Variants in TRMT11 observed in about 807,000 individuals in gnomAD.
The protein encoded by TRMT11 is tRNA methyltransferase 11, also known as tRNA (guanine(10)-N(2))-methyltransferase TRMT11.
In TRMT11, 53 loss-of-function variants were observed where a neutral mutation model predicts 62.8. The ratio of observed to expected loss-of-function variants is 0.84; its 90% CI spans 0.68 to 1.06. TRMT11 has a LOEUF of 1.06. Ranked by LOEUF, TRMT11 falls within the 50% of genes least tolerant of loss-of-function variation. The probability of loss-of-function intolerance (pLI) is 0.00; values close to 1 mark genes in which losing one functional copy is unlikely to be tolerated. For synonymous variants in TRMT11, 188 were observed against 190.3 expected (o/e 0.99, Z 0.10); for missense variants, 556 against 553.4 (o/e 1.00, Z -0.05).
At chr6:126,057,259 A>G (rs906413512) in intron 17 of TRMT11, among the ~76,000 whole-genome samples, 5 of 152,108 alleles carry the variant, frequency 3.3e-5, no homozygotes, top group African/African-American at 1.2e-4. Context: ...AAGTAATCTG[A>G]TGGTGTCTAT....
At chr6:126,051,599 T>C (rs1353500989) in intron 16 of TRMT11, among the ~76,000 whole-genome samples, 1 of 151,950 alleles carries the variant, frequency 6.6e-6, no homozygotes, top group Non-Finnish European at 1.5e-5. Flanking sequence ...GTCATCCAGG[T>C]TAGAGAACAG....
At chr6:125,986,666 CTGGAG>C (rs1248887990) in intron 1 of TRMT11, 44 bp downstream of exon 1, 14 of 1,539,344 alleles carry the variant, frequency 9.1e-6, no homozygotes, top group Non-Finnish European at 1.1e-5. Context: ...GAAGAGGACG[CTGGAG>C]TGGAGTGGAG....
At chr6:126,026,850 T>C (rs1335034869) in intron 12 of TRMT11, among the ~76,000 whole-genome samples, 2 of 146,746 alleles carry the variant, frequency 1.4e-5, no homozygotes, top group African/African-American at 5.3e-5. Context: ...TTGCCCAGGA[T>C]GGAGTGCAGT....
At chr6:126,188,826 T>C (rs1385464245) in intron 1 of TRMT11, among the ~76,000 whole-genome samples, 1 of 152,154 alleles carries the variant, frequency 6.6e-6, no homozygotes, top group Non-Finnish European at 1.5e-5. Context: ...TGACAACTGA[T>C]TGATCTTCTT....
chr6:126,113,630 G>C (rs1353399630), intron 18 of TRMT11, among the ~76,000 whole-genome samples: 1 of 152,076 alleles, frequency 6.6e-6, no homozygotes, highest in Non-Finnish European at 1.5e-5. Context: ...GTGGGATACA[G>C]TGATGATCTA....
intron 17 of TRMT11, among the ~76,000 whole-genome samples, chr6:126,071,223 G>C (rs1041994451): frequency 6.6e-6 from 1 of 152,016 alleles, no homozygotes; most frequent in Non-Finnish European, 1.5e-5. Flanking sequence ...GTTTCCTTGG[G>C]GGGGTGGGGG....
At chr6:126,226,944 G>A in the TRMT11 span, among the ~76,000 whole-genome samples, 1 of 152,084 alleles carries the variant, frequency 6.6e-6, no homozygotes, top group Non-Finnish European at 1.5e-5. Flanking sequence ...TTCTATAAAG[G>A]GGAGTTTCCC....
rs372118796 is a variant in TRMT11 at position 126,065,903 on chromosome 6, A to G, written c.*1437+12713A>G. Among the ~76,000 whole-genome samples, 8 of 152,308 alleles carry G rather than the reference A, an allele frequency of 5.3e-5. No homozygotes were observed. In the East Asian group the frequency reaches 9.7e-4, roughly 18 times the overall value. ...TAATAGTACCTATCGTGAATTTATCATGATCATAAAAGGACCGTTGCTGAG... is the reference window on the plus strand; with the variant it reads ...TAATAGTACCTATCGTGAATTTATCGTGATCATAAAAGGACCGTTGCTGAG... On this transcript the variant is annotated intron_variant and NMD_transcript_variant, in intron 17 of 22. Coordinates refer to the TRMT11 transcript ENST00000648977.
At chr6:126,176,499 A>G (rs1387689557), upstream of TRMT11, among the ~76,000 whole-genome samples, 3 of 152,188 alleles carry the variant, frequency 2.0e-5, no homozygotes, top group Non-Finnish European at 4.4e-5. Flanking sequence ...AAAGGACCTC[A>G]GTTCCTTCTT....
At chr6:126,254,769 A>T in the TRMT11 span, among the ~76,000 whole-genome samples, 3 of 152,212 alleles carry the variant, frequency 2.0e-5, no homozygotes, top group African/African-American at 7.2e-5. Context: ...AAATGCCATT[A>T]GCTCATCTTG....
intron 17 of TRMT11, among the ~76,000 whole-genome samples, chr6:126,060,247 T>C (rs1008030893): frequency 6.6e-6 from 1 of 152,246 alleles, no homozygotes; most frequent in African/African-American, 2.4e-5. Flanking sequence ...ACTTTTTCAA[T>C]TCAGAATTTT....
chr6:126,116,630 C>T (rs1012689516), intron 21 of TRMT11, among the ~76,000 whole-genome samples: 4 of 152,052 alleles, frequency 2.6e-5, no homozygotes, highest in African/African-American at 4.8e-5. Flanking sequence ...CATAAATCCA[C>T]GTGGATATGT....
At chr6:125,988,204 A>T (rs1304578766) in intron 1 of TRMT11, among the ~76,000 whole-genome samples, 1 of 152,234 alleles carries the variant, frequency 6.6e-6, no homozygotes, top group Non-Finnish European at 1.5e-5. Context: ...TGTCATTGAT[A>T]GTCTCAATTA....
At chr6:126,247,470 T>TATC in the TRMT11 span, among the ~76,000 whole-genome samples, 6 of 146,304 alleles carry the variant, frequency 4.1e-5, no homozygotes, top group Non-Finnish European at 7.4e-5. Context: ...TCTATCTATC[T>TATC]ATCTATCTAT....
At chr6:126,050,243 T>C (rs1001547089) in intron 16 of TRMT11, among the ~76,000 whole-genome samples, 1 of 149,784 alleles carries the variant, frequency 6.7e-6, no homozygotes, top group Non-Finnish European at 1.5e-5. Flanking sequence ...GGCAGGAGAA[T>C]CGCTTGAATC....
intron 12 of TRMT11, among the ~76,000 whole-genome samples, chr6:126,029,342 T>C (rs751213009): frequency 6.6e-6 from 1 of 152,156 alleles, no homozygotes; most frequent in Non-Finnish European, 1.5e-5. Context: ...TATAGAGTAA[T>C]GCAGCACTCC....
intron 21 of TRMT11, among the ~76,000 whole-genome samples, chr6:126,137,739 T>C (rs1777868689): frequency 6.6e-6 from 1 of 151,894 alleles, no homozygotes; most frequent in South Asian, 2.1e-4. Flanking sequence ...TACAGATGAA[T>C]AGATAAAGCA....
chr6:126,055,626 G>C (rs1295448110), intron 17 of TRMT11, among the ~76,000 whole-genome samples: 3 of 152,144 alleles, frequency 2.0e-5, no homozygotes, highest in Non-Finnish European at 4.4e-5. Context: ...GGTGAGATTG[G>C]GAAGGGCAGA....
At chr6:126,261,020 G>C in the TRMT11 span, among the ~76,000 whole-genome samples, 631 of 152,228 alleles carry the variant, frequency 4.1e-3, 1 homozygote, top group Non-Finnish European at 7.6e-3. Flanking sequence ...TAGGTTTTCT[G>C]TGACTTTCTT....
Sources: gnomAD v4.1 joint callset for allele counts (sites outside exome capture counted in the v4.1 genomes callset) on GRCh38, gnomAD v4.1.1 for gene constraint, MANE v1.5 for transcripts, NCBI Gene and HGNC (gene_info 2026-07-23, HGNC 2026-07-21) for gene names.